Variants in NOVA1 observed in about 807,000 individuals in gnomAD.
NOVA1 encodes the protein RNA-binding protein Nova-1.
In NOVA1, 7 loss-of-function variants were observed where a neutral mutation model predicts 38.0. The ratio of observed to expected loss-of-function variants is 0.18; its 90% CI spans 0.10 to 0.35. NOVA1 has a LOEUF of 0.35. NOVA1 is among the 10% of genes least tolerant of loss of function. NOVA1 has a pLI of 1.00. For synonymous variants in NOVA1, 270 were observed against 232.5 expected (o/e 1.16, Z -1.47); for missense variants, 460 against 616.0 (o/e 0.75, Z 2.68).
chr14:26,463,806 T>C (rs1258225189), intron 4 of NOVA1, among the ~76,000 whole-genome samples: 1 of 152,176 alleles, frequency 6.6e-6, no homozygotes, highest in Non-Finnish European at 1.5e-5. Flanking sequence ...CTGCATATCG[T>C]CTGAGGTGGA....
At chr14:26,466,657 C>G (rs1387186499) in intron 4 of NOVA1, among the ~76,000 whole-genome samples, 1 of 152,136 alleles carries the variant, frequency 6.6e-6, no homozygotes, top group Non-Finnish European at 1.5e-5. Context: ...TGTTTTTGTC[C>G]ATTCCAAAAT....
At chr14:26,490,785 C>A (rs562362246) in intron 2 of NOVA1, among the ~76,000 whole-genome samples, 7 of 151,568 alleles carry the variant, frequency 4.6e-5, no homozygotes, top group Non-Finnish European at 1.0e-4. Context: ...CTCAAGCAAT[C>A]CTCCCAGCTC....
intron 2 of NOVA1, among the ~76,000 whole-genome samples, chr14:26,522,611 C>A (rs1201188989): frequency 6.6e-6 from 1 of 151,956 alleles, no homozygotes; most frequent in Non-Finnish European, 1.5e-5. Flanking sequence ...AAAAAAAAAT[C>A]CATCTTGGTC....
rs147625256 is a variant in NOVA1 at position 26,513,426 on chromosome 14, T to C, written c.281-33283A>G. ...TTAAGTAGGGATACCTGATAAACAA[T>C]TGGCAATATGTTAAAAAATTATTAA... On this transcript the variant is annotated intron_variant, in intron 2 of 4. Coordinates refer to ENST00000539517, the MANE Select transcript of NOVA1 (RefSeq NM_002515.3). Among the ~76,000 whole-genome samples, 604 of 151,896 alleles carry C rather than the reference T, an allele frequency of 4.0e-3. 3 individuals are homozygous for C. Among genetic ancestry groups the C allele is most frequent in the African/African-American group, 0.014 (578 of 41,522 alleles).
chr14:26,503,440 C>A (rs1164070055), intron 2 of NOVA1, among the ~76,000 whole-genome samples: 1 of 151,982 alleles, frequency 6.6e-6, no homozygotes, highest in Non-Finnish European at 1.5e-5. Flanking sequence ...ATTAAAAAAT[C>A]AAACCAAACT....
intron 2 of NOVA1, among the ~76,000 whole-genome samples, chr14:26,540,234 C>G (rs1406995746): frequency 6.6e-6 from 1 of 152,204 alleles, no homozygotes; most frequent in Non-Finnish European, 1.5e-5. Flanking sequence ...CACCTGAGCT[C>G]TGCCTCCTGT....
intron 2 of NOVA1, among the ~76,000 whole-genome samples, chr14:26,573,344 A>C (rs150595067): frequency 1.3e-5 from 2 of 152,288 alleles, no homozygotes; most frequent in African/African-American, 4.8e-5. Flanking sequence ...TGAGAAAAAA[A>C]GAAACTCAGT....
intron 2 of NOVA1, among the ~76,000 whole-genome samples, chr14:26,486,361 GCAACCTAATAATATA>G (rs930902318): frequency 6.6e-6 from 1 of 151,752 alleles, no homozygotes; most frequent in African/African-American, 2.4e-5. Context: ...CTAGTCCTCA[GCAACCTAATAATATA>G]CAGTTAAATA....
chr14:26,488,722 T>G (rs1191524617), intron 2 of NOVA1, among the ~76,000 whole-genome samples: 1 of 152,134 alleles, frequency 6.6e-6, no homozygotes, highest in Non-Finnish European at 1.5e-5. Context: ...TAACAAATTT[T>G]TATTAAAGTG....
intron 2 of NOVA1, among the ~76,000 whole-genome samples, chr14:26,578,973 T>C (rs74040213): frequency 6.6e-6 from 1 of 152,140 alleles, no homozygotes; most frequent in African/African-American, 2.4e-5. Flanking sequence ...ATGAAGTCTA[T>C]TTAATCATTC....
chr14:26,486,722 GC>G (rs1885935934), intron 2 of NOVA1, among the ~76,000 whole-genome samples: 1 of 59,418 alleles, frequency 1.7e-5, no homozygotes, highest in Non-Finnish European at 4.1e-5. Context: ...AAAAAAAAAA[GC>G]CAAACAAACA....
chr14:26,493,486 G>A (rs1886517402), intron 2 of NOVA1, among the ~76,000 whole-genome samples: 1 of 152,202 alleles, frequency 6.6e-6, no homozygotes, highest in Non-Finnish European at 1.5e-5. Context: ...ACAACTGGCA[G>A]AATCCCAGAG....
chr14:26,573,943 C>A (rs113451082), intron 2 of NOVA1, among the ~76,000 whole-genome samples: 9 of 150,304 alleles, frequency 6.0e-5, no homozygotes, highest in Non-Finnish European at 1.2e-4. Flanking sequence ...AAGTGCAAGA[C>A]AATAAAAACA....
chr14:26,482,306 A>C (rs1885534743), intron 2 of NOVA1, among the ~76,000 whole-genome samples: 1 of 152,160 alleles, frequency 6.6e-6, no homozygotes, highest in Admixed American at 6.5e-5. Context: ...AAAAAAAGGA[A>C]AGAAAAAAGG....
rs1894300057 is a variant in NOVA1 at position 26,597,731 on chromosome 14, G to C, written c.-295C>G. On this transcript the variant is annotated 5_prime_UTR_variant, in exon 1 of 5. Coordinates refer to ENST00000539517, the MANE Select transcript of NOVA1 (RefSeq NM_002515.3). ...GAAAGAAGAAGAAGAAAGGAGACAG[G>C]GGGAGAGAGTGGAGAAGGGAGAGGG... 1 of 1,081,294 alleles carries C rather than the reference G, an allele frequency of 9.2e-7. No homozygotes were observed. 67.0% of individuals were successfully genotyped at this position (1,081,294 alleles called of 1,614,324 possible). A position where few individuals can be genotyped will look rare whatever the true frequency, so the allele number is the denominator to read the frequency against.
chr14:26,483,992 AT>A (rs977699366), intron 2 of NOVA1, among the ~76,000 whole-genome samples: 1 of 151,346 alleles, frequency 6.6e-6, no homozygotes, highest in Non-Finnish European at 1.5e-5. Context: ...AGAAAGTGTC[AT>A]TTTTTTTTCT....
chr14:26,543,260 G>C (rs1256393279), intron 2 of NOVA1, among the ~76,000 whole-genome samples: 2 of 151,598 alleles, frequency 1.3e-5, no homozygotes, highest in Non-Finnish European at 3.0e-5. Flanking sequence ...ACTTTTTTTG[G>C]AACAAGGAGA....
chr14:26,527,243 A>C (rs1037116112), intron 2 of NOVA1, among the ~76,000 whole-genome samples: 1 of 135,914 alleles, frequency 7.4e-6, no homozygotes, highest in African/African-American at 2.8e-5. Flanking sequence ...GAAGCCTGGC[A>C]GTGGGACAAT....
chr14:26,444,091 G>T lies in NOVA1; in HGVS notation c.*3868C>A, dbSNP rs921698990. On this transcript the variant is annotated 3_prime_UTR_variant, in exon 5 of 5. Coordinates refer to ENST00000539517, the MANE Select transcript of NOVA1 (RefSeq NM_002515.3). ...AAATCAAGACTGAAATATAAGAATG[G>T]ATTAAAAGGAATATGATTATCAGTA... 6.6e-6 allele frequency: 1 copy of T among 151,900 alleles called. No homozygotes were observed. The highest frequency in any genetic ancestry group is 1.5e-5 in the Non-Finnish European group (1 of 67,912). The allele number at this position is 151,900 out of a possible 1,614,324, so 9.4% of individuals were successfully genotyped here. A position where few individuals can be genotyped will look rare whatever the true frequency, so the allele number is the denominator to read the frequency against.
Sources: allele counts gnomAD v4.1 joint callset (sites outside exome capture counted in the v4.1 genomes callset), GRCh38; gene constraint gnomAD v4.1.1; transcripts MANE v1.5; gene names NCBI Gene and HGNC (gene_info 2026-07-23, HGNC 2026-07-21).